The following CYP4Z1 variants were observed in gnomAD, a reference collection of about 807,000 sequenced individuals.
The protein encoded by CYP4Z1 is cytochrome P450 4Z1.
A neutral mutation model predicts 54.2 loss-of-function variants in CYP4Z1; 41 were observed. The observed-to-expected ratio is 0.76, with a 90% confidence interval of 0.59 to 0.98. The LOEUF (loss-of-function observed/expected upper bound fraction) is 0.98. Ranked by LOEUF, CYP4Z1 falls within the 50% of genes least tolerant of loss-of-function variation. CYP4Z1 has a pLI of 0.00. For missense variants in CYP4Z1, 513 were observed against 599.0 expected (o/e 0.86, Z 1.50); for synonymous variants, 163 against 206.2 (o/e 0.79, Z 1.79).
intron 10 of CYP4Z1, 106 bp downstream of exon 10, chr1:47,115,699 G>C (rs1361829909): frequency 4.5e-6 from 5 of 1,115,486 alleles, no homozygotes; most frequent in Admixed American, 2.2e-5. Context: ...CTGTCATTTA[G>C]AAAAGAACAA....
At chr1:47,108,239 C>A (rs1185610766) in intron 9 of CYP4Z1, among the ~76,000 whole-genome samples, 1 of 152,154 alleles carries the variant, frequency 6.6e-6, no homozygotes, top group East Asian at 1.9e-4. Context: ...AGGCACTCCA[C>A]AACTTCACTT....
chr1:47,068,549 G>T, intron 1 of CYP4Z1, 73 bp from the exon 2 acceptor site: 2 of 1,564,758 alleles, frequency 1.3e-6, no homozygotes, highest in Non-Finnish European at 1.7e-6. Context: ...CTTAGCACAT[G>T]GTCCATCCGA....
At chr1:47,055,773 T>C in the CYP4Z1 span, among the ~76,000 whole-genome samples, 1 of 152,228 alleles carries the variant, frequency 6.6e-6, no homozygotes, top group Admixed American at 6.5e-5. Context: ...ATATCCCCTT[T>C]ATCATTTTTT....
chr1:47,105,621 T>C (rs1644751200), intron 8 of CYP4Z1, among the ~76,000 whole-genome samples: 1 of 152,220 alleles, frequency 6.6e-6, no homozygotes, highest in Non-Finnish European at 1.5e-5. Context: ...CACTTCTCTG[T>C]TGAATTCCAG....
upstream of CYP4Z1, among the ~76,000 whole-genome samples, chr1:47,062,381 G>C (rs1379209446): frequency 1.3e-5 from 2 of 152,202 alleles, no homozygotes; most frequent in Admixed American, 6.5e-5. Flanking sequence ...CAGGCTCCCT[G>C]AGAAGCCAAA....
intron 11 of CYP4Z1, 79 bp downstream of exon 11, chr1:47,116,811 CA>C: frequency 9.4e-7 from 1 of 1,061,178 alleles, no homozygotes; most frequent in East Asian, 2.5e-5. Flanking sequence ...TTCAGGCCCT[CA>C]GTTAGCTGAC....
At chr1:47,105,301 G>A (rs1042360704) in intron 8 of CYP4Z1, among the ~76,000 whole-genome samples, 2 of 152,220 alleles carry the variant, frequency 1.3e-5, no homozygotes, top group East Asian at 3.9e-4. Context: ...TGGAGGCTGA[G>A]CTCTCCAGAT....
At chr1:47,114,000 C>A (rs1644811896) in intron 9 of CYP4Z1, among the ~76,000 whole-genome samples, 2 of 152,118 alleles carry the variant, frequency 1.3e-5, no homozygotes, top group Admixed American at 6.6e-5. Flanking sequence ...CAATCCTAAG[C>A]CAAAAGAACA....
chr1:47,079,694 G>A (rs1350011057), intron 2 of CYP4Z1, among the ~76,000 whole-genome samples: 2 of 152,256 alleles, frequency 1.3e-5, no homozygotes, highest in African/African-American at 4.8e-5. Flanking sequence ...CCAACTTTTG[G>A]TAGGGAAAAT....
intron 6 of CYP4Z1, among the ~76,000 whole-genome samples, chr1:47,091,474 C>T (rs2148533391): frequency 6.8e-6 from 1 of 146,708 alleles, no homozygotes; most frequent in Admixed American, 6.8e-5. Context: ...TAAATGGCAG[C>T]ATGAGCATGG....
chr1:47,074,037 A>G (rs1644500807), intron 2 of CYP4Z1, among the ~76,000 whole-genome samples: 1 of 151,038 alleles, frequency 6.6e-6, no homozygotes, highest in Non-Finnish European at 1.5e-5. Flanking sequence ...ATTCATGAAG[A>G]CCCTCCCCTA....
intron 8 of CYP4Z1, among the ~76,000 whole-genome samples, chr1:47,099,780 T>C (rs1006179124): frequency 1.3e-5 from 2 of 152,208 alleles, no homozygotes; most frequent in African/African-American, 2.4e-5. Flanking sequence ...GGGTATTTCA[T>C]GGTGTTAATA....
At position 47,089,847 on chromosome 1, in the gene CYP4Z1, C is replaced by G. The variant is rs189623317; in HGVS notation, c.773-4719C>G. ...AGCAAGAAAGAATTGTCGTCCAATGCCCCTTCACAGCAGTTAGGTTTGCTT... is the reference window on the plus strand; with the variant it reads ...AGCAAGAAAGAATTGTCGTCCAATGGCCCTTCACAGCAGTTAGGTTTGCTT... On this transcript the variant is annotated intron_variant, in intron 6 of 11. Coordinates refer to ENST00000334194, the MANE Select transcript of CYP4Z1 (RefSeq NM_178134.3). Among the ~76,000 whole-genome samples the G allele has an allele frequency of 9.2e-5, 14 of 152,376 alleles. No individual in the cohort carries two copies. The East Asian group carries it at 2.7e-3, about 29-fold the overall frequency.
chr1:47,094,878 C>T (rs1644665750), intron 7 of CYP4Z1, among the ~76,000 whole-genome samples: 1 of 152,026 alleles, frequency 6.6e-6, no homozygotes, highest in African/African-American at 2.4e-5. Context: ...CATGGTGGTG[C>T]ATGCTTGTAG....
At chr1:47,100,583 A>G (rs1644714050) in intron 8 of CYP4Z1, among the ~76,000 whole-genome samples, 1 of 152,198 alleles carries the variant, frequency 6.6e-6, no homozygotes, top group African/African-American at 2.4e-5. Context: ...ATGGTATCAC[A>G]GTGCTTGTGT....
intron 7 of CYP4Z1, among the ~76,000 whole-genome samples, chr1:47,097,487 T>G (rs1438605932): frequency 6.6e-6 from 1 of 152,208 alleles, no homozygotes; most frequent in Admixed American, 6.5e-5. Flanking sequence ...TGAGGTGATT[T>G]TTGCACATAA....
At chr1:47,101,508 ATTG>A (rs1396851911) in intron 8 of CYP4Z1, among the ~76,000 whole-genome samples, 1 of 151,972 alleles carries the variant, frequency 6.6e-6, no homozygotes, top group African/African-American at 2.4e-5. Flanking sequence ...TCTTGACCCA[ATTG>A]TTGTTCAGGA....
At chr1:47,098,610 G>C (rs770639481) in intron 7 of CYP4Z1, among the ~76,000 whole-genome samples, 1 of 151,926 alleles carries the variant, frequency 6.6e-6, no homozygotes, top group Non-Finnish European at 1.5e-5. Context: ...TTCTAATACT[G>C]CTCTTTTCAC....
upstream of CYP4Z1, among the ~76,000 whole-genome samples, chr1:47,063,144 A>G (rs1644432597): frequency 6.6e-6 from 1 of 151,944 alleles, no homozygotes; most frequent in South Asian, 2.1e-4. Context: ...AAAAATAATC[A>G]CTACAGTTTG....
Sources: gnomAD v4.1 joint callset for allele counts (sites outside exome capture counted in the v4.1 genomes callset) on GRCh38, gnomAD v4.1.1 for gene constraint, MANE v1.5 for transcripts, NCBI Gene and HGNC (gene_info 2026-07-23, HGNC 2026-07-21) for gene names.